The following CHD8 variants were observed in gnomAD, a reference collection of about 807,000 sequenced individuals.
CHD8 encodes chromodomain helicase DNA binding protein 8, also known as ATP-dependent chromatin remodeler CHD8.
CHD8 carries 31 observed loss-of-function variants against 279.2 expected under a neutral mutation model. The ratio of observed to expected loss-of-function variants is 0.11; its 90% confidence interval spans 0.08 to 0.15. The LOEUF is 0.15. Ranked by LOEUF, CHD8 falls within the 10% of genes least tolerant of loss-of-function variation. The pLI is 1.00. For synonymous variants in CHD8, 1,081 were observed against 1,139.6 expected, an observed-to-expected ratio of 0.95 and a Z score of 1.04; for missense variants, 2,146 against 3,230.5, an observed-to-expected ratio of 0.66 and a Z score of 8.14.
intron 7 of CHD8, 36 bp downstream of exon 7, chr14:21,415,538 T>TAAAA: frequency 3.8e-6 from 4 of 1,048,784 alleles, no homozygotes; most frequent in Non-Finnish European, 5.0e-6. Flanking sequence ...AATAAATAAA[T>TAAAA]AAATAAAAAT....
chr14:21,393,967 C>G lies in CHD8; in HGVS notation c.5828G>C (p.Ser1943Thr). 1.2e-6 allele frequency: 2 copies of G among 1,614,002 alleles called. No individual in the cohort carries two copies. The highest frequency in any genetic ancestry group is 1.7e-6 in the Non-Finnish European group (2 of 1,179,892). Residue 1943 changes from serine (S) to threonine (T), a missense_variant, in exon 32 of 38, where the codon AGC becomes ACC. By Grantham distance (58) the Ser-to-Thr change is moderately conservative. This residue lies in a region of CHD8 where 513 missense variants were observed against 637.6 expected (regional missense o/e 0.80). Coordinates refer to ENST00000646647, the MANE Select transcript of CHD8 (RefSeq NM_001170629.2). Reference protein sequence around the residue: ...LLRGAARHGVSQTDCNIMQDP... With the variant: ...LLRGAARHGVTQTDCNIMQDP... ...CTGCATGATGTTGCAGTCTGTTTGG[C>G]TCACCCCATGGCGGGCTGCCCCTCT...
chr14:21,395,151 T>C, intron 29 of CHD8, 32 bp from the exon 30 acceptor site: 2 of 1,600,362 alleles, frequency 1.2e-6, no homozygotes, highest in Non-Finnish European at 1.7e-6. Context: ...GAATAGGAAG[T>C]ATAGCAAGGG....
intron 8 of CHD8, 194 bp from the exon 9 acceptor site, chr14:21,414,612 C>T: frequency 3.4e-6 from 2 of 592,426 alleles, no homozygotes; most frequent in East Asian, 2.8e-5. Flanking sequence ...TGAAAGCCCA[C>T]ATTTTTAAAA....
Position 21,392,571 on chromosome 14 carries a change from G to T in CHD8, c.6707C>A (p.Ala2236Glu). The T allele has an allele frequency of 2.5e-6, 4 of 1,613,592 alleles. No homozygotes were observed. The highest frequency in any genetic ancestry group is 3.4e-6 in the Non-Finnish European group (4 of 1,179,888). ...TCGGCGAAGTTTGGTGAACTGGGCT[G>T]CCGCTGTGCTGACTGCAGATGCTTC... The part of the protein sequence containing the change: ...EEEASAVSTA[A>E]AQFTKLRRGM... The change falls in exon 34 of 38, where the codon GCA (alanine) becomes GAA (glutamate). Residue 2236 changes from alanine (A) to glutamate (E), a missense_variant. Around this residue, in one of 26 missense-constraint regions of CHD8, gnomAD observed 513 missense variants for 637.6 expected, o/e 0.80. Transcript: ENST00000646647.
intron 5 of CHD8, among the ~76,000 whole-genome samples, chr14:21,417,186 C>T (rs1231453482): frequency 6.6e-6 from 1 of 152,118 alleles, no homozygotes; most frequent in African/African-American, 2.4e-5. Flanking sequence ...AGAATTCATA[C>T]ATTTTTGGTG....
At position 21,431,284 on chromosome 14, in the gene CHD8, C is replaced by G; in HGVS notation, c.360G>C (p.Leu120Phe). 1 of 1,579,858 alleles carries G rather than the reference C, an allele frequency of 6.3e-7. No homozygotes were observed. The highest frequency in any genetic ancestry group is 8.5e-7 in the Non-Finnish European group (1 of 1,170,260). The change falls in exon 2 of 38, where the codon TTG (leucine) becomes TTC (phenylalanine). Residue 120 changes from leucine to phenylalanine, a missense_variant. This residue lies in a region of CHD8 where 302 missense variants were observed against 325.5 expected (regional missense o/e 0.93). Transcript: ENST00000646647. The stretch of plus-strand genomic sequence containing the variant: ...GGATCTCCTGGCTCTTGGAGACTTG[C>G]AAAAGTCCTGATGTTGGCGTCGATG... ...LQTSTPTSGL[L>F]QVSKSQEILS...
Position 21,401,028 on chromosome 14 carries a change from C to A in CHD8, c.4217G>T (p.Arg1406Leu). 6.2e-7 allele frequency: 1 copy of A among 1,613,286 alleles called. No individual in the cohort carries two copies. The highest frequency in any genetic ancestry group is 8.5e-7 in the Non-Finnish European group (1 of 1,179,672). The change falls in exon 22 of 38, where the codon CGC (arginine) becomes CTC (leucine). Residue 1406 changes from arginine (R) to leucine (L), a missense_variant. Coordinates refer to ENST00000646647, the MANE Select transcript of CHD8 (RefSeq NM_001170629.2). Reference sequence around the variant, plus strand: ...ATCATCTTTCAGAGTGCTAAAGTGGCGCGTTTGTTTTCGTACTCTAGGTGT... The same window carrying A: ...ATCATCTTTCAGAGTGCTAAAGTGGAGCGTTTGTTTTCGTACTCTAGGTGT... ...IDTPRVRKQT[R>L]HFSTLKDDDL...
chr14:21,417,339 G>GA (rs1197315689), intron 5 of CHD8, among the ~76,000 whole-genome samples: 1 of 152,062 alleles, frequency 6.6e-6, no homozygotes, highest in Admixed American at 6.6e-5. Flanking sequence ...TAGGAGACCA[G>GA]AAAAAACCTA....
chr14:21,437,022 G>A (rs1889811135), intron 1 of CHD8: 2 of 1,238,880 alleles, frequency 1.6e-6, no homozygotes, highest in South Asian at 1.3e-5. Context: ...AGCTAGCGGG[G>A]GTGCCCTCCA....
At chr14:21,414,106 A>C in intron 9 of CHD8, 195 bp downstream of exon 9, 1 of 543,038 alleles carries the variant, frequency 1.8e-6, no homozygotes, top group Non-Finnish European at 3.3e-6. Flanking sequence ...CCTATAACTA[A>C]TAAATGAACC....
intron 2 of CHD8, chr14:21,429,680 T>C: frequency 2.6e-6 from 1 of 384,390 alleles, no homozygotes; most frequent in Non-Finnish European, 5.1e-6. Context: ...ACCATATTGA[T>C]GTCAAACTTA....
In CHD8 at chr14:21,412,930, C is replaced by T; in HGVS notation, c.2209G>A (p.Asp737Asn). The stretch of plus-strand genomic sequence containing the variant: ...CAACTCACCTCCCCATTGTCCTTGT[C>T]AATACTGTGAGACTCATCCAATATC... Reference protein sequence around the residue: ...DRILDESHSIDKDNGEPVIYY... With the variant: ...DRILDESHSINKDNGEPVIYY... Residue 737 changes from aspartate (D) to asparagine (N), a missense_variant, in exon 10 of 38, where the codon GAC (aspartate) becomes AAC (asparagine). Around this residue, in one of 26 missense-constraint regions of CHD8, gnomAD observed 211 missense variants for 464.7 expected, o/e 0.45. Coordinates refer to ENST00000646647, the MANE Select transcript of CHD8 (RefSeq NM_001170629.2). 3 of 1,606,176 alleles carry T rather than the reference C, an allele frequency of 1.9e-6. No homozygotes were observed. Among genetic ancestry groups the T allele is most frequent in the Non-Finnish European group, 2.6e-6 (3 of 1,172,992 alleles).
At position 21,408,926 on chromosome 14, in the gene CHD8, G is replaced by T. The variant is rs537260960; in HGVS notation, c.2365-101C>A. On this transcript the variant is annotated intron_variant, in intron 11 of 37. Coordinates refer to ENST00000646647, the MANE Select transcript of CHD8 (RefSeq NM_001170629.2). This position sits in a 1 kb window ranked among gnomAD's most constrained non-coding sequence, Gnocchi z 4.3. ...GTTAAAATCAATTCAAAACAACATTGTTTGGATTAAAACATGTCAAATATA... is the reference window on the plus strand; with the variant it reads ...GTTAAAATCAATTCAAAACAACATTTTTTGGATTAAAACATGTCAAATATA... 149 of 1,205,522 alleles carry T rather than the reference G, an allele frequency of 1.2e-4. 2 individuals are homozygous for T. In the Middle Eastern group the frequency reaches 1.4e-3, roughly 11 times the overall value. 74.7% of individuals were successfully genotyped at this position (1,205,522 alleles called of 1,614,324 possible). A position where few individuals can be genotyped will look rare whatever the true frequency, so the allele number is the denominator to read the frequency against.
At chr14:21,441,645 T>C (rs937465404) in intron 1 of CHD8, among the ~76,000 whole-genome samples, 2 of 151,690 alleles carry the variant, frequency 1.3e-5, no homozygotes, top group Non-Finnish European at 2.9e-5. Flanking sequence ...TCCCAGCACT[T>C]TGGGAGGCCA....
rs367670165 is a variant in CHD8 at position 21,431,772 on chromosome 14, A to G, written c.-129T>C. The stretch of plus-strand genomic sequence containing the variant: ...AATGTAAGAGGACTACTCTTCAAGT[A>G]TAGAGGCAAGAAACAAGTGCATGTC... On this transcript the variant is annotated 5_prime_UTR_variant, in exon 2 of 38. Coordinates refer to ENST00000646647, the MANE Select transcript of CHD8 (RefSeq NM_001170629.2). 1.1e-4 allele frequency: 183 copies of G among 1,613,286 alleles called. No homozygotes were observed. Among genetic ancestry groups the G allele is most frequent in the Non-Finnish European group, 1.5e-4 (175 of 1,179,372 alleles).
chr14:21,396,414 C>T (rs1406658891), intron 27 of CHD8, among the ~76,000 whole-genome samples: 2 of 151,962 alleles, frequency 1.3e-5, no homozygotes, highest in Non-Finnish European at 2.9e-5. Context: ...TCAAGCGATT[C>T]TCCTGCCTCA....
intron 7 of CHD8, 39 bp from the exon 8 acceptor site, chr14:21,415,032 T>G: frequency 7.2e-7 from 1 of 1,385,628 alleles, no homozygotes; most frequent in Non-Finnish European, 1.0e-6. Flanking sequence ...AGTCCCTTAT[T>G]TGTAAAAGAA....
At chr14:21,424,571 T>C (rs527994539) in intron 5 of CHD8, among the ~76,000 whole-genome samples, 138 of 152,174 alleles carry the variant, frequency 9.1e-4, no homozygotes, top group Non-Finnish European at 1.7e-3. Flanking sequence ...CTAGGGTTCA[T>C]GCCATTCTCC....
At chr14:21,438,561 G>A (rs890567908) in intron 1 of CHD8, among the ~76,000 whole-genome samples, 4 of 151,110 alleles carry the variant, frequency 2.6e-5, no homozygotes, top group Non-Finnish European at 5.9e-5. Flanking sequence ...GATGCCGGGC[G>A]CAGTGGCTCA....
Sources: gnomAD v4.1 joint callset for allele counts (sites outside exome capture counted in the v4.1 genomes callset) on GRCh38, gnomAD v4.1.1 for gene constraint, gnomAD v4.1.1 regional missense constraint, Gnocchi (gnomAD v3.1) non-coding constraint, MANE v1.5 for transcripts, NCBI Gene and HGNC (gene_info 2026-07-23, HGNC 2026-07-21) for gene names.